The following NOTCH1 variants were observed in gnomAD, a reference collection of about 807,000 sequenced individuals.
NOTCH1 encodes notch receptor 1.
A neutral mutation model predicts 254.8 loss-of-function variants in NOTCH1; 37 were observed. That is an observed-to-expected ratio of 0.15 (90% CI 0.11 to 0.19). The LOEUF is 0.19. Ranked by LOEUF, NOTCH1 falls within the 10% of genes least tolerant of loss-of-function variation. NOTCH1 has a pLI of 1.00. For missense variants in NOTCH1, 2,972 were observed against 3,708.6 expected, an observed-to-expected ratio of 0.80 and a Z score of 5.16; for synonymous variants, 1,731 against 1,618.1, an observed-to-expected ratio of 1.07 and a Z score of -1.68.
Position 136,515,969 on chromosome 9 carries a change from G to A in NOTCH1, c.1669+12C>T, listed in dbSNP as rs780649182. On this transcript the variant is annotated intron_variant, in intron 10 of 33. Transcript: ENST00000651671. ...CCCCAGTCCCTCCCCGCTGGTGGGC[G>A]CCAGCCCGCACCTTCCGTGCACACA... The A allele has an allele frequency of 3.7e-5, 59 of 1,598,280 alleles. No homozygotes were observed. The Admixed American group carries it at 3.8e-4, about 10-fold the overall frequency.
chr9:136,518,493 C>T, intron 6 of NOTCH1, 98 bp downstream of exon 6: 2 of 1,233,344 alleles, frequency 1.6e-6, no homozygotes, highest in East Asian at 2.5e-5. Flanking sequence ...TTCAGGTTAT[C>T]CTGGGTGCAG....
At position 136,502,885 on chromosome 9, in the gene NOTCH1, T is replaced by C. The variant is rs1257343369; in HGVS notation, c.5167+297A>G. ...CTTTTTTTTTCTTTAAAAAAAGCCGTAATGATTTTGAAATAATACCCAACA... is the reference window on the plus strand; with the variant it reads ...CTTTTTTTTTCTTTAAAAAAAGCCGCAATGATTTTGAAATAATACCCAACA... On this transcript the variant is annotated intron_variant, in intron 27 of 33. Transcript: ENST00000651671. 6 of 623,232 alleles carry C rather than the reference T, an allele frequency of 9.6e-6. No individual in the cohort carries two copies. The East Asian group carries it at 1.8e-4, about 19-fold the overall frequency. The allele number at this position is 623,232 out of a possible 1,614,324, so 38.6% of individuals were successfully genotyped here.
chr9:136,502,149 CCCTGGCCCGGG>C, intron 28 of NOTCH1, 61 bp from the exon 29 acceptor site: 2 of 1,605,228 alleles, frequency 1.2e-6, no homozygotes, highest in Non-Finnish European at 1.7e-6. Flanking sequence ...CCCCAGAGAC[CCCTGGCCCGGG>C]CCTGGCGTGG....
chr9:136,516,622 G>A (rs1448571743), intron 9 of NOTCH1, among the ~76,000 whole-genome samples: 3 of 152,054 alleles, frequency 2.0e-5, no homozygotes, highest in African/African-American at 7.2e-5. Flanking sequence ...GGACATGGCA[G>A]GACAGGGCAG....
At position 136,497,394 on chromosome 9, in the gene NOTCH1, C is replaced by G; in HGVS notation, c.6345G>C (p.Glu2115Asp). 6.2e-7 allele frequency: 1 copy of G among 1,610,440 alleles called. No homozygotes were observed. Among genetic ancestry groups the G allele is most frequent in the Non-Finnish European group, 8.5e-7 (1 of 1,179,852 alleles). ...GCTGCGGGCTGCGCACCAGGTTGTA[C>G]TCGTCCAGCAGCCTCACGATGTCGT... is the stretch of plus-strand genomic sequence containing the variant. ...MHHDIVRLLDEYNLVRSPQLH... is the reference protein window; with the variant it reads ...MHHDIVRLLDDYNLVRSPQLH... Residue 2115 changes from glutamate to aspartate, a missense_variant, in exon 34 of 34, where the codon GAG (glutamate) becomes GAC (aspartate). By Grantham distance (45) the Glu-to-Asp change is conservative (BLOSUM62 2). Transcript: ENST00000651671.
At chr9:136,519,351 G>A (rs540158257) in intron 5 of NOTCH1, 92 bp downstream of exon 5, 135 of 1,560,578 alleles carry the variant, frequency 8.7e-5, no homozygotes, top group African/African-American at 7.1e-4. Context: ...ACAGGGTCTC[G>A]GCTGCTCCCC....
chr9:136,494,930 C>A lies in NOTCH1; in HGVS notation c.*1141G>T, dbSNP rs1027350140. The A allele has an allele frequency of 2.5e-6, 1 of 398,750 alleles. No individual in the cohort carries two copies. Among genetic ancestry groups the A allele is most frequent in the East Asian group, 3.5e-5 (1 of 28,202 alleles). The allele number at this position is 398,750 out of a possible 1,614,324, so 24.7% of individuals were successfully genotyped here. A position where few individuals can be genotyped will look rare whatever the true frequency, so the allele number is the denominator to read the frequency against. On this transcript the variant is annotated 3_prime_UTR_variant, in exon 34 of 34. Transcript: ENST00000651671. Reference sequence around the variant, plus strand: ...CGCCTCCCTCCAGCCCCTGCCCGACCGCATGCCCCCTGCCAGGGCTGCGGG... The same window carrying A: ...CGCCTCCCTCCAGCCCCTGCCCGACAGCATGCCCCCTGCCAGGGCTGCGGG...
chr9:136,496,755 C>A lies in NOTCH1; in HGVS notation c.6984G>T (p.Gly2328=). The change falls in exon 34 of 34, where the codon GGG becomes GGT. Residue 2328 remains glycine (G), a synonymous_variant. Coordinates refer to ENST00000651671, the MANE Select transcript of NOTCH1 (RefSeq NM_017617.5). ...TGCTCAGGGGGCCTGGTGCCACACT[C>A]CCCCGCAGAGGGTTGTATTGGTTCG... The part of the protein sequence containing the change: ...MVPNQYNPLR[G]SVAPGPLSTQ... The A allele has an allele frequency of 6.2e-7, 1 of 1,612,830 alleles. No homozygotes were observed. Among genetic ancestry groups the A allele is most frequent in the South Asian group, 1.1e-5 (1 of 91,084 alleles).
In NOTCH1 at chr9:136,497,211, G is replaced by C. The variant is rs2133318134; in HGVS notation, c.6528C>G (p.Leu2176=). 1 of 1,612,752 alleles carries C rather than the reference G, an allele frequency of 6.2e-7. No homozygotes were observed. The change falls in exon 34 of 34, where the codon CTC becomes CTG. Residue 2176 remains leucine (L), a synonymous_variant. Coordinates refer to ENST00000651671, the MANE Select transcript of NOTCH1 (RefSeq NM_017617.5). ...LACGSKEAKD[L]KARRKKSQDG... ...CCTGGGACTTCTTCCTCCGTGCCTT[G>C]AGGTCCTTGGCCTCCTTGCTTCCAC...
intron 26 of NOTCH1, among the ~76,000 whole-genome samples, chr9:136,504,065 C>T (rs1050221425): frequency 2.0e-5 from 3 of 152,230 alleles, no homozygotes; most frequent in Non-Finnish European, 4.4e-5. Flanking sequence ...TGCCCCCTCC[C>T]AGGACCTCCA....
In NOTCH1 at chr9:136,509,618, C is replaced by A; in HGVS notation, c.2969+115G>T. 6.7e-6 allele frequency: 6 copies of A among 889,188 alleles called. 2 individuals carry two copies. The South Asian group carries it at 6.9e-5, about 10-fold the overall frequency. 55.1% of individuals were successfully genotyped at this position (889,188 alleles called of 1,614,324 possible). On this transcript the variant is annotated intron_variant, in intron 18 of 33. Coordinates refer to ENST00000651671, the MANE Select transcript of NOTCH1 (RefSeq NM_017617.5). ...CAATGTCTGGACTCAATGCAGCCAG[C>A]GCTAAGTGCCCAGCCGGCCTAGGCG...
chr9:136,502,011 T>G lies in NOTCH1; in HGVS notation c.5462A>C (p.Lys1821Thr). ...AGCCTCGCGACTCACCCGGAACTTC[T>G]TGGTCTCCAGGTCCTCGTCCCCCCA... ...NEWGDEDLET[K>T]KFRFEEPVVL... Residue 1821 changes from lysine to threonine, a missense_variant, in exon 29 of 34, where the codon AAG becomes ACG. By Grantham distance (78) the Lys-to-Thr change is moderately conservative. Transcript: ENST00000651671. 1 of 1,613,062 alleles carries G rather than the reference T, an allele frequency of 6.2e-7. No individual in the cohort carries two copies. The highest frequency in any genetic ancestry group is 8.5e-7 in the Non-Finnish European group (1 of 1,179,936).
rs907512574 is a variant in NOTCH1, at chr9:136,531,466, G to A, written c.141-7487C>T. 3.9e-5 allele frequency among the ~76,000 whole-genome samples: 6 copies of A among 152,320 alleles called. No homozygotes were observed. The East Asian group carries it at 9.6e-4, about 24-fold the overall frequency. ...CCCGCACCCCCAGCCCCACCCAGAC[G>A]GTCTGGATGTTTTGCCTGACCACCT... is the stretch of plus-strand genomic sequence containing the variant. On this transcript the variant is annotated intron_variant, in intron 2 of 33. Transcript: ENST00000651671.
rs1201631881 is a variant in NOTCH1, at chr9:136,540,993, G to A, written c.140+3031C>T. ...TCTCCTCAAAACAAAGAGAAAAAAG[G>A]TGGAGCCCTCTTCAGTACCCCTTGC... is the stretch of plus-strand genomic sequence containing the variant. On this transcript the variant is annotated intron_variant, in intron 2 of 33. Transcript: ENST00000651671. This position sits in a 1 kb window ranked among gnomAD's most constrained non-coding sequence, Gnocchi z 4.4. Among the ~76,000 whole-genome samples the A allele has an allele frequency of 6.6e-6, 1 of 152,152 alleles. No individual in the cohort carries two copies. The highest frequency in any genetic ancestry group is 1.5e-5 in the Non-Finnish European group (1 of 68,020).
Position 136,502,390 on chromosome 9 carries a change from G to C in NOTCH1, c.5266C>G (p.Leu1756Val), listed in dbSNP as rs746342953. The change falls in exon 28 of 34, where the codon CTG becomes GTG. Residue 1756 changes from leucine (L) to valine (V), a missense_variant. Leu to Val is a conservative substitution (Grantham distance 32). Transcript: ENST00000651671. ...LLFFVGCGVLLSRKRRRQHGQ... is the reference protein window; with the variant it reads ...LLFFVGCGVLVSRKRRRQHGQ... ...TGCTGCCGCCGGCGCTTGCGGGACAGCAGCACCCCGCAGCCCACGAAGAAC... is the reference window on the plus strand; with the variant it reads ...TGCTGCCGCCGGCGCTTGCGGGACACCAGCACCCCGCAGCCCACGAAGAAC... 1.1e-5 allele frequency: 17 copies of C among 1,612,032 alleles called. No individual in the cohort carries two copies. The highest frequency in any genetic ancestry group is 1.4e-5 in the Non-Finnish European group (17 of 1,179,656).
At chr9:136,530,359 C>T (rs931453006) in intron 2 of NOTCH1, among the ~76,000 whole-genome samples, 21 of 152,336 alleles carry the variant, frequency 1.4e-4, no homozygotes, top group African/African-American at 4.3e-4. Flanking sequence ...GTGTGGGAGG[C>T]GGGATGGGGA....
Position 136,538,538 on chromosome 9 carries a change from C to T in NOTCH1, c.140+5486G>A, listed in dbSNP as rs1011966102. Among the ~76,000 whole-genome samples the T allele has an allele frequency of 5.9e-5, 9 of 152,378 alleles. No individual in the cohort carries two copies. The East Asian group carries it at 1.5e-3, about 26-fold the overall frequency. The stretch of plus-strand genomic sequence containing the variant: ...AAGCGCCAGCGCTGCCTGGGAAACT[C>T]GAGGCCGTCAAACGCAGCCCGGCCC... On this transcript the variant is annotated intron_variant, in intron 2 of 33. Transcript: ENST00000651671.
At chr9:136,539,047 C>G (rs1490420647) in intron 2 of NOTCH1, among the ~76,000 whole-genome samples, 1 of 152,192 alleles carries the variant, frequency 6.6e-6, no homozygotes, top group African/African-American at 2.4e-5. Context: ...GAAGCCAGTC[C>G]CGGCTCCTGT....
At chr9:136,499,422 C>G (rs1239682617) in intron 31 of NOTCH1, among the ~76,000 whole-genome samples, 163 bp from the exon 32 acceptor site, 1 of 152,230 alleles carries the variant, frequency 6.6e-6, no homozygotes, top group Non-Finnish European at 1.5e-5. Flanking sequence ...TGGGGCTGCC[C>G]CTGAGGAGGG....
Sources: gnomAD v4.1 joint callset for allele counts (sites outside exome capture counted in the v4.1 genomes callset) on GRCh38, gnomAD v4.1.1 for gene constraint, Gnocchi (gnomAD v3.1) non-coding constraint, MANE v1.5 for transcripts, NCBI Gene and HGNC (gene_info 2026-07-23, HGNC 2026-07-21) for gene names.